The following RPP30 variants were observed in gnomAD, a reference collection of about 807,000 sequenced individuals.
The protein encoded by RPP30 is ribonuclease P/MRP subunit p30, also known as ribonuclease P protein subunit p30.
Under a neutral mutation model 38.6 loss-of-function variants are expected in RPP30, and 36 were observed. The ratio of observed to expected loss-of-function variants is 0.93; its 90% CI spans 0.71 to 1.23. The LOEUF (loss-of-function observed/expected upper bound fraction) is 1.23. RPP30 is among the 50% of genes most tolerant of loss of function. The probability of loss-of-function intolerance (pLI) is 0.00; values close to 1 mark genes in which losing one functional copy is unlikely to be tolerated. For missense variants in RPP30, 321 were observed against 321.7 expected, an observed-to-expected ratio of 1.00 and a Z score of 0.02; for synonymous variants, 126 against 112.7, an observed-to-expected ratio of 1.12 and a Z score of -0.75.
At chr10:90,883,524 A>G (rs1334333954) in intron 5 of RPP30, among the ~76,000 whole-genome samples, 3 of 152,290 alleles carry the variant, frequency 2.0e-5, no homozygotes, top group Admixed American at 6.5e-5. Context: ...ATAACAAAAT[A>G]ATTCAGTTTG....
chr10:90,898,633 A>G (rs59898454), intron 10 of RPP30, among the ~76,000 whole-genome samples: 5,600 of 152,274 alleles, frequency 0.037, 182 homozygotes, highest in African/African-American at 0.077. Flanking sequence ...TGGAAGCCTC[A>G]TGATGAGAGG....
At position 90,900,847 on chromosome 10, in the gene RPP30, A is replaced by G; in HGVS notation, c.*168A>G. ...TCCATTAAAACAACAAACGAAACCT[A>G]GTGAAGCATCTTTTTAAAAGGCTGC... On this transcript the variant is annotated 3_prime_UTR_variant, in exon 11 of 11. Coordinates refer to ENST00000371703, the MANE Select transcript of RPP30 (RefSeq NM_006413.5). 3.1e-6 allele frequency: 4 copies of G among 1,304,716 alleles called. No individual in the cohort carries two copies. The highest frequency in any genetic ancestry group is 3.0e-5 in the African/African-American group (2 of 66,536). The allele number at this position is 1,304,716 out of a possible 1,614,324, so 80.8% of individuals were successfully genotyped here. A position where few individuals can be genotyped will look rare whatever the true frequency, so the allele number is the denominator to read the frequency against.
chr10:90,897,970 CAATTA>C (rs1477375148), intron 10 of RPP30, among the ~76,000 whole-genome samples: 1 of 152,082 alleles, frequency 6.6e-6, no homozygotes, highest in Non-Finnish European at 1.5e-5. Context: ...TTTAAATATA[CAATTA>C]AATTGTATTG....
At chr10:90,878,942 A>G in intron 4 of RPP30, 121 bp from the exon 5 acceptor site, 1 of 651,504 alleles carries the variant, frequency 1.5e-6, no homozygotes, top group Non-Finnish European at 2.4e-6. Flanking sequence ...AAAGCAAAGC[A>G]GAAATGTCAG....
chr10:90,895,240 CTGTTAGGAAAACATA>C, intron 7 of RPP30, 199 bp from the exon 8 acceptor site: 1 of 494,914 alleles, frequency 2.0e-6, no homozygotes, highest in Non-Finnish European at 3.5e-6. Flanking sequence ...TTACTAAGAT[CTGTTAGGAAAACATA>C]TTTTGTTTTT....
intron 5 of RPP30, among the ~76,000 whole-genome samples, chr10:90,882,674 T>C (rs1333899194): frequency 1.4e-5 from 2 of 147,678 alleles, no homozygotes; most frequent in African/African-American, 2.5e-5. Flanking sequence ...AAGAAAAAAG[T>C]AAATGGAGGC....
intron 4 of RPP30, among the ~76,000 whole-genome samples, chr10:90,877,407 A>G (rs1846866928): frequency 6.6e-6 from 1 of 152,152 alleles, no homozygotes; most frequent in African/African-American, 2.4e-5. Flanking sequence ...GGAATGGATG[A>G]GACTCCCTGG....
chr10:90,901,999 G>A lies in RPP30; in HGVS notation c.*1320G>A, dbSNP rs1034539572. The A allele has an allele frequency of 1.5e-4, 65 of 430,044 alleles. No individual in the cohort carries two copies. Among genetic ancestry groups the A allele is most frequent in the African/African-American group, 1.9e-4 (9 of 46,242 alleles). The allele number at this position is 430,044 out of a possible 1,614,324, so 26.6% of individuals were successfully genotyped here. A position where few individuals can be genotyped will look rare whatever the true frequency, so the allele number is the denominator to read the frequency against. ...TATTTAGCAGAGACGGGGTTTCACC[G>A]TGTTAGCCAGGATGGTCTCAATCTC... is the stretch of plus-strand genomic sequence containing the variant. On this transcript the variant is annotated 3_prime_UTR_variant, in exon 11 of 11. Transcript: ENST00000371703.
chr10:90,872,108 A>G, intron 1 of RPP30, 40 bp downstream of exon 1: 1 of 1,536,396 alleles, frequency 6.5e-7, no homozygotes, highest in Middle Eastern at 1.7e-4. Flanking sequence ...ACCTCATGCC[A>G]CCCAGACCAT....
intron 1 of RPP30, 95 bp from the exon 2 acceptor site, chr10:90,874,774 C>T (rs1846828816): frequency 4.2e-6 from 3 of 717,086 alleles, no homozygotes; most frequent in Non-Finnish European, 4.6e-6. Flanking sequence ...CCTCAAATGT[C>T]CTCCTACTCT....
At chr10:90,898,755 T>C (rs1381153361) in intron 10 of RPP30, among the ~76,000 whole-genome samples, 1 of 152,178 alleles carries the variant, frequency 6.6e-6, no homozygotes, top group Admixed American at 6.5e-5. Flanking sequence ...TTAGGTTCTT[T>C]GGGGGTCCAG....
chr10:90,872,071 G>A lies in RPP30; in HGVS notation c.82+3G>A. 7.4e-6 allele frequency: 12 copies of A among 1,613,884 alleles called. No homozygotes were observed. The highest frequency in any genetic ancestry group is 1.0e-5 in the Non-Finnish European group (12 of 1,179,770). ...ACTTGTGGAGACAGCCGCTCACCGTGAGTTGCCCCGGCTTCGCGCCTGGCC... is the reference window on the plus strand; with the variant it reads ...ACTTGTGGAGACAGCCGCTCACCGTAAGTTGCCCCGGCTTCGCGCCTGGCC... On this transcript the variant is annotated splice_donor_region_variant and intron_variant, in intron 1 of 10. Coordinates refer to ENST00000371703, the MANE Select transcript of RPP30 (RefSeq NM_006413.5).
chr10:90,889,304 C>CTTTTT (rs59640704), intron 6 of RPP30, among the ~76,000 whole-genome samples: 17 of 106,538 alleles, frequency 1.6e-4, no homozygotes, highest in Non-Finnish European at 2.2e-4. Context: ...ATAAGGATTA[C>CTTTTT]TTTTTTTTTT....
Position 90,900,775 on chromosome 10 carries a change from A to C in RPP30, c.*96A>C, listed in dbSNP as rs1014819492. 3.0e-5 allele frequency: 44 copies of C among 1,471,492 alleles called. No homozygotes were observed. In the African/African-American group the frequency reaches 6.1e-4, roughly 20 times the overall value. 91.2% of individuals were successfully genotyped at this position (1,471,492 alleles called of 1,614,324 possible). A position where few individuals can be genotyped will look rare whatever the true frequency, so the allele number is the denominator to read the frequency against. ...AACCTTTGTGTGATTTACTGTTTTC[A>C]TTTGGAGCTAGAAATCAATAGTCTA... On this transcript the variant is annotated 3_prime_UTR_variant, in exon 11 of 11. Transcript: ENST00000371703.
At chr10:90,894,958 T>A (rs748971367) in intron 7 of RPP30, 67 bp downstream of exon 7, 1 of 1,058,032 alleles carries the variant, frequency 9.5e-7, no homozygotes, top group Non-Finnish European at 1.5e-6. Flanking sequence ...ACACTGGAAT[T>A]GTCAAACTGA....
rs1438674928 is a variant in RPP30, at chr10:90,871,976, G to T, written c.-11G>T. 3 of 1,613,532 alleles carry T rather than the reference G, an allele frequency of 1.9e-6. No homozygotes were observed. The highest frequency in any genetic ancestry group is 2.5e-6 in the Non-Finnish European group (3 of 1,179,520). ...CAGACTGGCGCGCGCGGACGGTCATGGGACTTCAGCATGGCGGTGTTTGCA... is the reference window on the plus strand; with the variant it reads ...CAGACTGGCGCGCGCGGACGGTCATTGGACTTCAGCATGGCGGTGTTTGCA... On this transcript the variant is annotated 5_prime_UTR_variant, in exon 1 of 11. The change abolishes an upstream ATG in the 5' untranslated region. Coordinates refer to ENST00000371703, the MANE Select transcript of RPP30 (RefSeq NM_006413.5).
In RPP30 at chr10:90,900,757, G is replaced by T. The variant is rs983320033; in HGVS notation, c.*78G>T. ...CAGCCACAACAAAAATAAAACCTTT[G>T]TGTGATTTACTGTTTTCATTTGGAG... On this transcript the variant is annotated 3_prime_UTR_variant, in exon 11 of 11. Coordinates refer to ENST00000371703, the MANE Select transcript of RPP30 (RefSeq NM_006413.5). The T allele has an allele frequency of 6.6e-7, 1 of 1,515,238 alleles. No individual in the cohort carries two copies. 93.9% of individuals were successfully genotyped at this position (1,515,238 alleles called of 1,614,324 possible). A position where few individuals can be genotyped will look rare whatever the true frequency, so the allele number is the denominator to read the frequency against.
At chr10:90,880,449 C>T (rs935186683) in intron 5 of RPP30, among the ~76,000 whole-genome samples, 11 of 152,002 alleles carry the variant, frequency 7.2e-5, no homozygotes, top group Non-Finnish European at 1.5e-5. Flanking sequence ...AATTGTAGGC[C>T]GGGCACAGTG....
Position 90,874,878 on chromosome 10 carries a change from C to T in RPP30, c.92C>T (p.Ser31Leu). Residue 31 changes from serine to leucine, a missense_variant, in exon 2 of 11, where the codon TCA (serine) becomes TTA (leucine). Physicochemically the swap from Ser to Leu is moderately radical, Grantham distance 145. Transcript: ENST00000371703. The stretch of plus-strand genomic sequence containing the variant: ...AATTTTTCTTTTTCAGTTGGCTATT[C>T]AGTTGTTGCTATCAATCATATCGTT... ...LVETAAHLGY[S>L]VVAINHIVDF... 2 of 1,593,706 alleles carry T rather than the reference C, an allele frequency of 1.3e-6. No homozygotes were observed. The highest frequency in any genetic ancestry group is 1.7e-6 in the Non-Finnish European group (2 of 1,167,608).
Sources: gnomAD v4.1 joint callset for allele counts (sites outside exome capture counted in the v4.1 genomes callset) on GRCh38, gnomAD v4.1.1 for gene constraint, MANE v1.5 for transcripts, NCBI Gene and HGNC (gene_info 2026-07-23, HGNC 2026-07-21) for gene names.